The following ATP8A1 variants were observed in gnomAD, a reference collection of about 807,000 sequenced individuals.
ATP8A1 encodes the protein ATPase phospholipid transporting 8A1.
A neutral mutation model predicts 177.7 loss-of-function variants in ATP8A1; 90 were observed. The ratio of observed to expected loss-of-function variants is 0.51; its 90% CI spans 0.43 to 0.60. ATP8A1 has a LOEUF of 0.60. ATP8A1 is among the 20% of genes least tolerant of loss of function. ATP8A1 has a pLI of 0.00. For synonymous variants in ATP8A1, 493 were observed against 485.9 expected (o/e 1.01, Z -0.19); for missense variants, 1,072 against 1,392.8 (o/e 0.77, Z 3.67).
In ATP8A1 at chr4:42,410,894, A is replaced by T. The variant is rs2153164575; in HGVS notation, c.*2022T>A. On this transcript the variant is annotated 3_prime_UTR_variant, in exon 37 of 37. Transcript: ENST00000381668. ...AGAAGCAGCTCTTCTCTATTAACAG[A>T]ATTAAACACTACAAAGTGTTTCTCT... is the stretch of plus-strand genomic sequence containing the variant. 6.6e-6 allele frequency: 1 copy of T among 152,316 alleles called. No individual in the cohort carries two copies. The highest frequency in any genetic ancestry group is 3.4e-3 in the Middle Eastern group (1 of 294). The allele number at this position is 152,316 out of a possible 1,614,324, so 9.4% of individuals were successfully genotyped here. A position where few individuals can be genotyped will look rare whatever the true frequency, so the allele number is the denominator to read the frequency against.
At chr4:42,531,724 AT>A (rs1727278852) in intron 20 of ATP8A1, among the ~76,000 whole-genome samples, 1 of 152,220 alleles carries the variant, frequency 6.6e-6, no homozygotes, top group Admixed American at 6.5e-5. Flanking sequence ...AAGTTGCAGG[AT>A]ACAAAATCAA....
At chr4:42,455,202 T>C (rs937412161) in intron 29 of ATP8A1, 95 bp downstream of exon 29, 3 of 1,474,574 alleles carry the variant, frequency 2.0e-6, no homozygotes, top group Admixed American at 4.1e-5. Context: ...CTCAGGCTAG[T>C]GTATCCTTGG....
Position 42,656,821 on chromosome 4 carries a change from T to C in ATP8A1, c.49+4A>G. 1 of 1,571,966 alleles carries C rather than the reference T, an allele frequency of 6.4e-7. No homozygotes were observed. Among genetic ancestry groups the C allele is most frequent in the Admixed American group, 1.8e-5 (1 of 56,164 alleles). ...GCTAGCCCCGAGCCTCGGCGGCCCC[T>C]TACCTTCGGCGCGCGAGCGGATCTC... On this transcript the variant is annotated splice_donor_region_variant and intron_variant, in intron 1 of 36. Coordinates refer to ENST00000381668, the MANE Select transcript of ATP8A1 (RefSeq NM_006095.2).
chr4:42,630,941 T>C (rs900496059), intron 1 of ATP8A1, among the ~76,000 whole-genome samples: 4 of 152,248 alleles, frequency 2.6e-5, no homozygotes, highest in African/African-American at 9.6e-5. Flanking sequence ...AATGAAGGAA[T>C]ATGTATGCAA....
intron 24 of ATP8A1, among the ~76,000 whole-genome samples, chr4:42,495,565 CCT>C (rs1021108303): frequency 7.2e-5 from 11 of 152,146 alleles, no homozygotes; most frequent in Non-Finnish European, 1.2e-4. Flanking sequence ...CCTGCAACCC[CCT>C]GACACATTAT....
chr4:42,446,048 C>T (rs1484848772), intron 31 of ATP8A1, among the ~76,000 whole-genome samples: 1 of 133,080 alleles, frequency 7.5e-6, no homozygotes, highest in Non-Finnish European at 1.6e-5. Flanking sequence ...CCACTGCACT[C>T]CAGCCTGGGC....
intron 35 of ATP8A1, among the ~76,000 whole-genome samples, chr4:42,420,413 G>A (rs540163246): frequency 6.6e-6 from 1 of 152,332 alleles, no homozygotes; most frequent in South Asian, 2.1e-4. Flanking sequence ...GGCAGCAGCA[G>A]GGAATTTATC....
At chr4:42,520,587 T>A (rs185973959) in intron 22 of ATP8A1, among the ~76,000 whole-genome samples, 7 of 152,042 alleles carry the variant, frequency 4.6e-5, no homozygotes, top group Non-Finnish European at 5.9e-5. Flanking sequence ...GTGGGGAAGA[T>A]AGGCAAGAGA....
intron 27 of ATP8A1, among the ~76,000 whole-genome samples, chr4:42,456,838 C>T (rs1019942893): frequency 1.1e-4 from 16 of 152,134 alleles, no homozygotes; most frequent in African/African-American, 2.7e-4. Context: ...CTACACTTCA[C>T]GTTTCATTTA....
intron 20 of ATP8A1, among the ~76,000 whole-genome samples, chr4:42,542,632 C>G (rs1272726345): frequency 1.3e-5 from 2 of 151,996 alleles, no homozygotes; most frequent in Non-Finnish European, 2.9e-5. Context: ...TTCCCCTTCC[C>G]GTGTCCATGT....
At chr4:42,539,398 C>CA (rs1029772550) in intron 20 of ATP8A1, among the ~76,000 whole-genome samples, 2 of 143,244 alleles carry the variant, frequency 1.4e-5, no homozygotes, top group Non-Finnish European at 3.1e-5. Context: ...ATAAAATACC[C>CA]CCCCCCCAAC....
In ATP8A1 at chr4:42,410,758, G is replaced by A. The variant is rs1712503273; in HGVS notation, c.*2158C>T. On this transcript the variant is annotated 3_prime_UTR_variant, in exon 37 of 37. Coordinates refer to ENST00000381668, the MANE Select transcript of ATP8A1 (RefSeq NM_006095.2). ...TCCACAGAAACAATCCACGTTTCAA[G>A]ATTAAAATAAAACTTACATTTTTAA... 6.6e-6 allele frequency: 1 copy of A among 152,110 alleles called. No homozygotes were observed. Among genetic ancestry groups the A allele is most frequent in the African/African-American group, 2.4e-5 (1 of 41,404 alleles). The allele number at this position is 152,110 out of a possible 1,614,324, so 9.4% of individuals were successfully genotyped here.
At chr4:42,604,113 C>T (rs1459521579) in intron 5 of ATP8A1, among the ~76,000 whole-genome samples, 1 of 152,158 alleles carries the variant, frequency 6.6e-6, no homozygotes, top group Non-Finnish European at 1.5e-5. Context: ...GCACATGTTT[C>T]CATGCCTAGA....
chr4:42,621,380 T>C (rs1428114700), intron 4 of ATP8A1, among the ~76,000 whole-genome samples: 1 of 152,264 alleles, frequency 6.6e-6, no homozygotes, highest in Non-Finnish European at 1.5e-5. Context: ...TTTGTATAAC[T>C]TTAAATTGGA....
chr4:42,577,493 CAAT>C (rs1359740403), intron 12 of ATP8A1, among the ~76,000 whole-genome samples: 1 of 151,948 alleles, frequency 6.6e-6, no homozygotes, highest in Admixed American at 6.6e-5. Flanking sequence ...AAAGACTTTA[CAAT>C]GATTGAAAAA....
At chr4:42,640,449 T>C (rs1368777331) in intron 1 of ATP8A1, among the ~76,000 whole-genome samples, 1 of 152,254 alleles carries the variant, frequency 6.6e-6, no homozygotes, top group African/African-American at 2.4e-5. Flanking sequence ...AAACATTAAG[T>C]GCAGCTGATT....
intron 6 of ATP8A1, among the ~76,000 whole-genome samples, chr4:42,591,135 C>A (rs1051642350): frequency 4.0e-5 from 6 of 151,798 alleles, no homozygotes; most frequent in Non-Finnish European, 5.9e-5. Flanking sequence ...AGTGTGAAAA[C>A]TTAATTTTTA....
Position 42,464,886 on chromosome 4 carries a change from G to A in ATP8A1, c.2508+7C>T, listed in dbSNP as rs1560353994. On this transcript the variant is annotated splice_region_variant and intron_variant, in intron 26 of 36. Transcript: ENST00000381668. ...GAATGATGTGTTTTGCAGAAATGACGCTTTACCTGAGCTATGGAGTAGTCA... is the reference window on the plus strand; with the variant it reads ...GAATGATGTGTTTTGCAGAAATGACACTTTACCTGAGCTATGGAGTAGTCA... The A allele has an allele frequency of 9.3e-6, 15 of 1,613,820 alleles. No individual in the cohort carries two copies. Among genetic ancestry groups the A allele is most frequent in the Non-Finnish European group, 1.1e-5 (13 of 1,179,788 alleles).
chr4:42,484,912 A>G (rs1722039641), intron 25 of ATP8A1, among the ~76,000 whole-genome samples: 2 of 152,224 alleles, frequency 1.3e-5, no homozygotes, highest in African/African-American at 4.8e-5. Flanking sequence ...TAAACAATTT[A>G]TACGTAAATA....
Sources: allele counts gnomAD v4.1 joint callset (sites outside exome capture counted in the v4.1 genomes callset), GRCh38; gene constraint gnomAD v4.1.1; transcripts MANE v1.5; gene names NCBI Gene and HGNC (gene_info 2026-07-23, HGNC 2026-07-21).